Variants in GAREM1 observed in about 807,000 individuals in gnomAD.
The protein encoded by GAREM1 is GRB2-associated and regulator of MAPK protein 1.
In GAREM1, 26 loss-of-function variants were observed where a neutral mutation model predicts 71.3. The observed-to-expected ratio is 0.36, with a 90% CI of 0.27 to 0.51. The LOEUF (loss-of-function observed/expected upper bound fraction) is 0.51, where lower values mean the gene tolerates loss of function less well. Among genes scored for constraint, GAREM1 ranks in the 20% least tolerant of loss-of-function variants. The pLI is 0.95. For synonymous variants in GAREM1, 440 were observed against 433.2 expected (o/e 1.02, Z -0.20); for missense variants, 1,026 against 1,103.1 (o/e 0.93, Z 0.99).
At chr18:32,364,024 ATATGTTTTTT>A (rs2047901730) in intron 2 of GAREM1, among the ~76,000 whole-genome samples, 3 of 52,188 alleles carry the variant, frequency 5.7e-5, no homozygotes, top group African/African-American at 4.6e-4. Context: ...ATATATATAT[ATATGTTTTTT>A]TTTTTTTTTT....
At chr18:32,449,570 G>A (rs1411627288) in intron 1 of GAREM1, among the ~76,000 whole-genome samples, 2 of 152,086 alleles carry the variant, frequency 1.3e-5, no homozygotes, top group Non-Finnish European at 2.9e-5. Context: ...TGTAGTCCCA[G>A]CTACATAAGA....
chr18:32,404,313 A>C (rs2048345850), intron 1 of GAREM1, among the ~76,000 whole-genome samples: 1 of 152,168 alleles, frequency 6.6e-6, no homozygotes, highest in Non-Finnish European at 1.5e-5. Flanking sequence ...TGGATGACTA[A>C]ATATAATATG....
chr18:32,270,445 C>A, intron 4 of GAREM1, 62 bp from the exon 5 acceptor site: 2 of 1,440,574 alleles, frequency 1.4e-6, no homozygotes, highest in South Asian at 1.3e-5. Context: ...GGCGCCAGCT[C>A]AATCCTGAAG....
At chr18:32,347,587 C>G (rs544301426) in intron 2 of GAREM1, among the ~76,000 whole-genome samples, 2 of 152,152 alleles carry the variant, frequency 1.3e-5, no homozygotes, top group Non-Finnish European at 2.9e-5. Context: ...ACTGAGGGAA[C>G]TTTCCTAAAG....
intron 2 of GAREM1, among the ~76,000 whole-genome samples, chr18:32,328,749 G>C (rs761426968): frequency 2.6e-5 from 4 of 152,184 alleles, no homozygotes; most frequent in Non-Finnish European, 5.9e-5. Flanking sequence ...ATTCCTACCT[G>C]ATACCACTTA....
chr18:32,413,191 G>A (rs902257359), intron 1 of GAREM1: 18 of 1,603,460 alleles, frequency 1.1e-5, no homozygotes, highest in Non-Finnish European at 1.5e-5. Flanking sequence ...GCAGGGTGAA[G>A]AGAGACTTTA....
At chr18:32,398,317 A>T (rs1476116564) in intron 1 of GAREM1, among the ~76,000 whole-genome samples, 3 of 152,202 alleles carry the variant, frequency 2.0e-5, no homozygotes, top group Non-Finnish European at 1.5e-5. Flanking sequence ...CTAAGATCAG[A>T]ACAGAACTGA....
chr18:32,276,664 T>A (rs1340178919), intron 4 of GAREM1, among the ~76,000 whole-genome samples: 6 of 152,178 alleles, frequency 3.9e-5, no homozygotes, highest in Non-Finnish European at 7.3e-5. Context: ...AGAACCAGAA[T>A]GATGATCTGG....
chr18:32,396,477 G>C (rs1365583588), intron 1 of GAREM1, among the ~76,000 whole-genome samples: 4 of 152,152 alleles, frequency 2.6e-5, no homozygotes, highest in African/African-American at 9.7e-5. Flanking sequence ...TAATGGAGCT[G>C]AAAACCATGG....
chr18:32,399,274 C>T (rs557169092), intron 1 of GAREM1, among the ~76,000 whole-genome samples: 12 of 152,250 alleles, frequency 7.9e-5, no homozygotes, highest in African/African-American at 2.6e-4. Flanking sequence ...GACAGGGATG[C>T]CCTCTCTCAC....
At chr18:32,408,904 A>C (rs972968416) in intron 1 of GAREM1, among the ~76,000 whole-genome samples, 1 of 152,190 alleles carries the variant, frequency 6.6e-6, no homozygotes, top group Non-Finnish European at 1.5e-5. Context: ...CTGTCATATA[A>C]TGCTAACTAA....
At chr18:32,273,211 T>C (rs995975880) in intron 4 of GAREM1, among the ~76,000 whole-genome samples, 9 of 152,210 alleles carry the variant, frequency 5.9e-5, no homozygotes, top group Non-Finnish European at 1.0e-4. Context: ...GAAAACATGG[T>C]TAATGCTGGA....
chr18:32,331,552 C>T (rs2047535415), intron 2 of GAREM1: 1 of 152,176 alleles, frequency 6.6e-6, no homozygotes, highest in South Asian at 2.1e-4. Context: ...CAGTCACATA[C>T]ACTAGTAGTT....
intron 2 of GAREM1, among the ~76,000 whole-genome samples, chr18:32,313,980 T>A (rs145918087): frequency 6.6e-6 from 1 of 152,062 alleles, no homozygotes; most frequent in African/African-American, 2.4e-5. Context: ...AGGATGAACC[T>A]AGACATGAAA....
At chr18:32,456,625 T>C (rs570857919) in intron 1 of GAREM1, among the ~76,000 whole-genome samples, 4 of 152,286 alleles carry the variant, frequency 2.6e-5, no homozygotes, top group African/African-American at 7.2e-5. Flanking sequence ...TATTTAGTTT[T>C]GGTAATTGCA....
chr18:32,464,847 CCACAAA>C (rs1479359507), intron 1 of GAREM1, among the ~76,000 whole-genome samples: 2 of 137,132 alleles, frequency 1.5e-5, no homozygotes, highest in Non-Finnish European at 3.2e-5. Flanking sequence ...AATGTAAGCA[CCACAAA>C]GACATACAGT....
At chr18:32,294,338 A>G (rs904124992) in intron 3 of GAREM1, among the ~76,000 whole-genome samples, 1 of 152,228 alleles carries the variant, frequency 6.6e-6, no homozygotes, top group African/African-American at 2.4e-5. Flanking sequence ...GGTAAAACAA[A>G]TGTGCTAAAA....
chr18:32,354,275 C>T (rs1450905375), intron 2 of GAREM1, among the ~76,000 whole-genome samples: 2 of 152,054 alleles, frequency 1.3e-5, no homozygotes, highest in African/African-American at 4.8e-5. Flanking sequence ...AGTATGAACG[C>T]ATCATACTTT....
intron 1 of GAREM1, among the ~76,000 whole-genome samples, chr18:32,425,939 A>T (rs1363283347): frequency 6.6e-6 from 1 of 151,954 alleles, no homozygotes; most frequent in Non-Finnish European, 1.5e-5. Context: ...TTCCTCATTT[A>T]TGGGCCTTAT....
Sources: gnomAD v4.1 joint callset for allele counts (sites outside exome capture counted in the v4.1 genomes callset) on GRCh38, gnomAD v4.1.1 for gene constraint, MANE v1.5 for transcripts, NCBI Gene and HGNC (gene_info 2026-07-23, HGNC 2026-07-21) for gene names.